PDE4D: variants seen among roughly 807,000 people sequenced by gnomAD.
PDE4D encodes the protein phosphodiesterase 4D, also known as 3',5'-cyclic-AMP phosphodiesterase 4D.
A neutral mutation model predicts 87.4 loss-of-function variants in PDE4D; 24 were observed. The ratio of observed to expected loss-of-function variants is 0.27; its 90% CI spans 0.20 to 0.39. The LOEUF (loss-of-function observed/expected upper bound fraction) is 0.39, where lower values mean the gene tolerates loss of function less well. PDE4D is among the 10% of genes least tolerant of loss of function. PDE4D has a pLI of 1.00. For missense variants in PDE4D, 714 were observed against 1,041.0 expected (o/e 0.69, Z 4.32); for synonymous variants, 384 against 383.2 (o/e 1.00, Z -0.02).
At chr5:59,817,430 CAT>C (rs1265529307) in intron 1 of PDE4D, among the ~76,000 whole-genome samples, 2 of 152,156 alleles carry the variant, frequency 1.3e-5, no homozygotes, top group African/African-American at 2.4e-5. Flanking sequence ...GGGAAAGACA[CAT>C]AGTAAACACA....
At chr5:59,393,351 A>C (rs1341845323) in intron 1 of PDE4D, among the ~76,000 whole-genome samples, 1 of 152,344 alleles carries the variant, frequency 6.6e-6, no homozygotes, top group Admixed American at 6.5e-5. Context: ...AAAATAACAT[A>C]TAGAACAAGG....
chr5:59,169,974 G>C (rs146061551), intron 5 of PDE4D, among the ~76,000 whole-genome samples: 29 of 152,248 alleles, frequency 1.9e-4, no homozygotes, highest in African/African-American at 6.0e-4. Context: ...TCAGGGCAGC[G>C]GGGAAGGGAT....
intron 6 of PDE4D, among the ~76,000 whole-genome samples, chr5:59,034,215 C>A (rs904402788): frequency 6.6e-6 from 1 of 152,012 alleles, no homozygotes; most frequent in East Asian, 1.9e-4. Context: ...AAGCAGATAT[C>A]GAACTCAAAA....
intron 1 of PDE4D, among the ~76,000 whole-genome samples, chr5:60,411,106 A>G (rs1022715354): frequency 3.9e-5 from 6 of 152,340 alleles, no homozygotes; most frequent in Non-Finnish European, 7.3e-5. Context: ...TAACTGCTGC[A>G]CTGGACAAAG....
intron 2 of PDE4D, among the ~76,000 whole-genome samples, chr5:60,041,146 A>T (rs1225833147): frequency 3.3e-5 from 5 of 152,238 alleles, no homozygotes; most frequent in African/African-American, 1.2e-4. Context: ...ATATGTTCAT[A>T]AATGAAGCTT....
At chr5:59,633,382 A>G (rs1831821779) in intron 1 of PDE4D, among the ~76,000 whole-genome samples, 1 of 152,202 alleles carries the variant, frequency 6.6e-6, no homozygotes, top group African/African-American at 2.4e-5. Context: ...CAGAAAATAC[A>G]GAGAACCTCA....
At chr5:59,624,869 C>T (rs1187664669) in intron 1 of PDE4D, among the ~76,000 whole-genome samples, 1 of 152,166 alleles carries the variant, frequency 6.6e-6, no homozygotes, top group Non-Finnish European at 1.5e-5. Context: ...TCTTTCTTAG[C>T]ATTTAAATAC....
At chr5:60,143,704 C>G (rs996543826) in intron 2 of PDE4D, among the ~76,000 whole-genome samples, 1 of 148,576 alleles carries the variant, frequency 6.7e-6, no homozygotes, top group Non-Finnish European at 1.5e-5. Context: ...GATTTTAATG[C>G]GAAACCATGG....
chr5:59,294,818 G>C (rs982449754), intron 1 of PDE4D, among the ~76,000 whole-genome samples: 7 of 152,146 alleles, frequency 4.6e-5, no homozygotes, highest in African/African-American at 1.7e-4. Flanking sequence ...TGGCTGTAGA[G>C]GAAACATTTT....
chr5:60,014,577 T>A (rs1234193541), intron 2 of PDE4D, among the ~76,000 whole-genome samples: 1 of 152,164 alleles, frequency 6.6e-6, no homozygotes, highest in African/African-American at 2.4e-5. Context: ...CAAGGGTGAT[T>A]AAACTCTTAA....
chr5:59,487,010 G>A (rs1269505285), intron 1 of PDE4D, among the ~76,000 whole-genome samples: 1 of 152,132 alleles, frequency 6.6e-6, no homozygotes, highest in Admixed American at 6.6e-5. Flanking sequence ...CAGCCTAAGA[G>A]TTGTCTATCA....
At chr5:60,150,569 AG>A (rs1375266892) in intron 2 of PDE4D, among the ~76,000 whole-genome samples, 1 of 152,026 alleles carries the variant, frequency 6.6e-6, no homozygotes, top group Admixed American at 6.6e-5. Context: ...TGATGGTGTC[AG>A]AAAAAAAAAA....
chr5:60,395,549 G>T (rs1167216870), intron 1 of PDE4D, among the ~76,000 whole-genome samples: 1 of 151,962 alleles, frequency 6.6e-6, no homozygotes, highest in Non-Finnish European at 1.5e-5. Context: ...CACAGTGTCT[G>T]GTTTTGCCTC....
intron 1 of PDE4D, among the ~76,000 whole-genome samples, chr5:59,622,534 C>T (rs115332033): frequency 3.3e-5 from 5 of 152,244 alleles, no homozygotes; most frequent in African/African-American, 1.2e-4. Flanking sequence ...TCTTGATGAT[C>T]ACATTGGCTT....
At chr5:59,807,176 C>T (rs1449400495) in intron 1 of PDE4D, among the ~76,000 whole-genome samples, 1 of 152,156 alleles carries the variant, frequency 6.6e-6, no homozygotes, top group Non-Finnish European at 1.5e-5. Flanking sequence ...GGGTTCAATA[C>T]CCCTCTTAGA....
At chr5:59,659,040 T>A (rs964367306) in intron 1 of PDE4D, among the ~76,000 whole-genome samples, 12 of 152,186 alleles carry the variant, frequency 7.9e-5, no homozygotes, top group Non-Finnish European at 1.8e-4. Flanking sequence ...CTTAAATTTT[T>A]AAGGTCAAGC....
intron 1 of PDE4D, among the ~76,000 whole-genome samples, chr5:60,347,094 G>T (rs760099979): frequency 3.6e-4 from 55 of 152,130 alleles, no homozygotes; most frequent in Non-Finnish European, 6.8e-4. Flanking sequence ...TGATGGGTTA[G>T]AATGATTGGG....
At chr5:60,424,289 T>C (rs1327681380) in intron 1 of PDE4D, among the ~76,000 whole-genome samples, 1 of 152,126 alleles carries the variant, frequency 6.6e-6, no homozygotes, top group Non-Finnish European at 1.5e-5. Flanking sequence ...CTCAATAAAA[T>C]ACTGGCAAAC....
intron 3 of PDE4D, among the ~76,000 whole-genome samples, chr5:59,910,009 C>G (rs552208539): frequency 1.3e-5 from 2 of 152,124 alleles, no homozygotes; most frequent in African/African-American, 2.4e-5. Context: ...GTGGAAAAAC[C>G]TCTACTTATT....
Sources: gnomAD v4.1 joint callset for allele counts (sites outside exome capture counted in the v4.1 genomes callset) on GRCh38, gnomAD v4.1.1 for gene constraint, MANE v1.5 for transcripts, NCBI Gene and HGNC (gene_info 2026-07-23, HGNC 2026-07-21) for gene names.